Variants in PCNX4 observed in about 807,000 individuals in gnomAD.
The protein encoded by PCNX4 is pecanex-like protein 4.
Under a neutral mutation model 107.2 loss-of-function variants are expected in PCNX4, and 103 were observed. The ratio of observed to expected loss-of-function variants is 0.96; its 90% CI spans 0.82 to 1.13. The LOEUF (loss-of-function observed/expected upper bound fraction) is 1.13. PCNX4 is among the 50% of genes most tolerant of loss of function. PCNX4 has a pLI of 0.00. For synonymous variants in PCNX4, 541 were observed against 481.7 expected, an observed-to-expected ratio of 1.12 and a Z score of -1.61; for missense variants, 1,528 against 1,379.4, an observed-to-expected ratio of 1.11 and a Z score of -1.71.
chr14:60,128,417 A>G (rs1194046715), intron 10 of PCNX4, among the ~76,000 whole-genome samples: 1 of 152,228 alleles, frequency 6.6e-6, no homozygotes, highest in East Asian at 1.9e-4. Flanking sequence ...GGAGGCCAGA[A>G]GCATGGAATG....
At chr14:60,119,370 C>T (rs868070709) in intron 7 of PCNX4, among the ~76,000 whole-genome samples, 11 of 152,242 alleles carry the variant, frequency 7.2e-5, no homozygotes, top group African/African-American at 2.2e-4. Flanking sequence ...TTTGATGACA[C>T]TAGTGTGTCA....
chr14:60,092,558 G>C (rs1676681235), intron 1 of PCNX4, 139 bp downstream of exon 1: 1 of 152,220 alleles, frequency 6.6e-6, no homozygotes, highest in Non-Finnish European at 1.5e-5. Flanking sequence ...AAACCTTTAA[G>C]TGCAATTATT....
chr14:60,127,117 G>C (rs1175106976), intron 10 of PCNX4, among the ~76,000 whole-genome samples: 1 of 152,178 alleles, frequency 6.6e-6, no homozygotes, highest in African/African-American at 2.4e-5. Flanking sequence ...AAATGTTCTT[G>C]AAAACAATGG....
intron 8 of PCNX4, among the ~76,000 whole-genome samples, chr14:60,123,928 C>G (rs308991): frequency 0.26 from 39,699 of 151,942 alleles, 7,631 homozygotes; most frequent in African/African-American, 0.54. Context: ...TCTTAACTAT[C>G]ATTATAGTCT....
rs1489936869 is a variant in PCNX4, at chr14:60,109,420, AG to A, written c.689+1094del. ...CTGTTGGTAATGGGTAGAGGCTGAA[AG>A]AGGTTTTTTTGTTTGTTTCTTTGTT... On this transcript the variant is annotated intron_variant, in intron 2 of 10. Coordinates refer to ENST00000406854, the MANE Select transcript of PCNX4 (RefSeq NM_001330177.2). The A allele has an allele frequency of 1.8e-5, 3 of 167,186 alleles. No homozygotes were observed. The East Asian group carries it at 5.8e-4, about 32-fold the overall frequency. The allele number at this position is 167,186 out of a possible 1,614,324, so 10.4% of individuals were successfully genotyped here.
chr14:60,124,345 T>A lies in PCNX4; in HGVS notation c.2174T>A (p.Leu725Ter), dbSNP rs142772107. Residue 725 changes from leucine to a stop codon, truncating the protein, a stop_gained, in exon 9 of 11, where the codon TTG (leucine) becomes TAG (stop). Transcript: ENST00000406854. LOFTEE classifies it high-confidence loss of function. The stretch of plus-strand genomic sequence containing the variant: ...CTTAATGAACACTTTGGAAATGTCT[T>A]GACACCCTGTACTGTTTTGCCTGTG... ...CSLNEHFGNV[L>*]TPCTVLPVKL... The A allele has an allele frequency of 9.3e-6, 15 of 1,613,114 alleles. No homozygotes were observed. In the East Asian group the frequency reaches 3.3e-4, roughly 36 times the overall value.
At chr14:60,131,003 G>T (rs1896145018) in intron 10 of PCNX4, among the ~76,000 whole-genome samples, 1 of 150,818 alleles carries the variant, frequency 6.6e-6, no homozygotes, top group Non-Finnish European at 1.5e-5. Flanking sequence ...GCCCTTATAG[G>T]AAGAGGAAGA....
rs1396110017 is a variant in PCNX4 at position 60,147,599 on chromosome 14, G to GCTAA, written c.*13380_*13383dup. The stretch of plus-strand genomic sequence containing the variant: ...CTGAGAAGGGGGAAAAAGCACAATA[G>GCTAA]CTAACACTTAGAACACTCCAAGTTG... On this transcript the variant is annotated 3_prime_UTR_variant, in exon 11 of 11. Transcript: ENST00000406854. 1.3e-5 allele frequency: 2 copies of GCTAA among 152,126 alleles called. No homozygotes were observed. Among genetic ancestry groups the GCTAA allele is most frequent in the Non-Finnish European group, 2.9e-5 (2 of 68,028 alleles). 9.4% of individuals were successfully genotyped at this position (152,126 alleles called of 1,614,324 possible).
At chr14:60,131,411 A>G (rs1413497918) in intron 10 of PCNX4, among the ~76,000 whole-genome samples, 1 of 152,248 alleles carries the variant, frequency 6.6e-6, no homozygotes, top group Non-Finnish European at 1.5e-5. Flanking sequence ...GTGAATTTCT[A>G]CACACTAGCA....
chr14:60,121,454 A>G (rs1356225409), intron 8 of PCNX4, among the ~76,000 whole-genome samples, 155 bp downstream of exon 8: 4 of 152,138 alleles, frequency 2.6e-5, no homozygotes, highest in Non-Finnish European at 5.9e-5. Flanking sequence ...TTCAATAAGC[A>G]CATGTTGATA....
rs1895841280 is a variant in PCNX4 at position 60,115,977 on chromosome 14, G to A, written c.1495G>A (p.Val499Ile). Reference sequence around the variant, plus strand: ...TACAGAAAATGCTTTATTGGAGACAGTCATTGTATCAACAGTACACTTGAT... The same window carrying A: ...TACAGAAAATGCTTTATTGGAGACAATCATTGTATCAACAGTACACTTGAT... ...QNTENALLET[V>I]IVSTVHLISS... The change falls in exon 6 of 11, where the codon GTC becomes ATC. Residue 499 changes from valine to isoleucine, a missense_variant. Physicochemically the swap from Val to Ile is conservative, Grantham distance 29. Transcript: ENST00000406854. The A allele has an allele frequency of 6.2e-7, 1 of 1,612,148 alleles. No individual in the cohort carries two copies. Among genetic ancestry groups the A allele is most frequent in the South Asian group, 1.1e-5 (1 of 90,806 alleles).
In PCNX4 at chr14:60,118,563, C is replaced by T. The variant is rs371462329; in HGVS notation, c.1813C>T (p.Arg605Ter). The T allele has an allele frequency of 5.1e-5, 83 of 1,613,614 alleles. No homozygotes were observed. The highest frequency in any genetic ancestry group is 1.8e-4 in the East Asian group (8 of 44,880). ...TCCTGTGTTCTTGGTGGGGTTTCCC[C>T]GACCTATTCAGAGTTGGCCAGGAGC... ...TLPVFLVGFP[R>*]PIQSWPGAAG... The change falls in exon 7 of 11, where the codon CGA (arginine) becomes TGA (stop). Residue 605 changes from arginine to a stop codon, truncating the protein, a stop_gained. Coordinates refer to ENST00000406854, the MANE Select transcript of PCNX4 (RefSeq NM_001330177.2). LOFTEE classifies it high-confidence loss of function.
chr14:60,124,010 ATAG>A (rs1896001439), intron 8 of PCNX4, among the ~76,000 whole-genome samples: 1 of 152,134 alleles, frequency 6.6e-6, no homozygotes, highest in African/African-American at 2.4e-5. Context: ...TTAAAAAATA[ATAG>A]TAGCATTATT....
In PCNX4 at chr14:60,148,196, G is replaced by C. The variant is rs187075132; in HGVS notation, c.*13975G>C. On this transcript the variant is annotated 3_prime_UTR_variant, in exon 11 of 11. Coordinates refer to ENST00000406854, the MANE Select transcript of PCNX4 (RefSeq NM_001330177.2). This position sits in a 1 kb window ranked among gnomAD's most constrained non-coding sequence, Gnocchi z 4.8. Reference sequence around the variant, plus strand: ...ATTCATTTTCACTGTCCTGCAAAGAGTTGGAATAAATTAAATGTCTAACAA... The same window carrying C: ...ATTCATTTTCACTGTCCTGCAAAGACTTGGAATAAATTAAATGTCTAACAA... 65 of 152,318 alleles carry C rather than the reference G, an allele frequency of 4.3e-4. No individual in the cohort carries two copies. The highest frequency in any genetic ancestry group is 1.5e-3 in the African/African-American group (63 of 41,558). 9.4% of individuals were successfully genotyped at this position (152,318 alleles called of 1,614,324 possible). A position where few individuals can be genotyped will look rare whatever the true frequency, so the allele number is the denominator to read the frequency against.
intron 1 of PCNX4, among the ~76,000 whole-genome samples, chr14:60,097,638 C>G (rs1373073165): frequency 2.0e-5 from 3 of 151,970 alleles, no homozygotes; most frequent in Non-Finnish European, 2.9e-5. Context: ...TAAGAGACTG[C>G]TGAAAAACTT....
intron 10 of PCNX4, among the ~76,000 whole-genome samples, chr14:60,132,992 G>A (rs1234454052): frequency 2.6e-5 from 4 of 152,084 alleles, no homozygotes; most frequent in Admixed American, 6.6e-5. Flanking sequence ...TCTGCTCTTG[G>A]GAATGTAAAA....
rs374921121 is a variant in PCNX4 at position 60,147,976 on chromosome 14, C to T, written c.*13755C>T. On this transcript the variant is annotated 3_prime_UTR_variant, in exon 11 of 11. Transcript: ENST00000406854. ...ACCTTTAGAGCTTCTACCCACACTA[C>T]CAAGTCCCAACAATACCAAAACACT... 1 of 152,216 alleles carries T rather than the reference C, an allele frequency of 6.6e-6. No homozygotes were observed. Among genetic ancestry groups the T allele is most frequent in the Non-Finnish European group, 1.5e-5 (1 of 68,036 alleles). 9.4% of individuals were successfully genotyped at this position (152,216 alleles called of 1,614,324 possible).
intron 10 of PCNX4, among the ~76,000 whole-genome samples, chr14:60,130,678 TTTGCTAATAA>T (rs1162231371): frequency 2.6e-5 from 4 of 152,290 alleles, no homozygotes; most frequent in African/African-American, 7.2e-5. Context: ...AGGAATGTAA[TTTGCTAATAA>T]TTGCACAAAG....
In PCNX4 at chr14:60,114,962, T is replaced by A; in HGVS notation, c.870-12T>A. 6.4e-7 allele frequency: 1 copy of A among 1,565,052 alleles called. No homozygotes were observed. Among genetic ancestry groups the A allele is most frequent in the Non-Finnish European group, 8.6e-7 (1 of 1,161,958 alleles). ...TCAAGTAAATATTTTTTTCTTTTTT[T>A]TTTCTGTACAGGTTATTAGTAATGT... On this transcript the variant is annotated splice_polypyrimidine_tract_variant and intron_variant, in intron 3 of 10. Coordinates refer to ENST00000406854, the MANE Select transcript of PCNX4 (RefSeq NM_001330177.2).
Sources: gnomAD v4.1 joint callset for allele counts (sites outside exome capture counted in the v4.1 genomes callset) on GRCh38, gnomAD v4.1.1 for gene constraint, Gnocchi (gnomAD v3.1) non-coding constraint, MANE v1.5 for transcripts, NCBI Gene and HGNC (gene_info 2026-07-23, HGNC 2026-07-21) for gene names.